BTG4: variants seen among roughly 807,000 people sequenced by gnomAD.
BTG4 encodes BTG anti-proliferation factor 4.
BTG4 carries 10 observed loss-of-function variants against 19.3 expected under a neutral mutation model. The ratio of observed to expected loss-of-function variants is 0.52; its 90% CI spans 0.32 to 0.88. The LOEUF (loss-of-function observed/expected upper bound fraction) is 0.88. Among genes scored for constraint, BTG4 ranks in the 40% least tolerant of loss-of-function variants. BTG4 has a pLI of 0.04. For synonymous variants in BTG4, 91 were observed against 95.7 expected (o/e 0.95, Z 0.29); for missense variants, 238 against 281.9 (o/e 0.84, Z 1.11).
chr11:111,435,364 C>T, the BTG4 span, among the ~76,000 whole-genome samples: 1 of 152,148 alleles, frequency 6.6e-6, no homozygotes. Context: ...CCACCGCCAC[C>T]ACCGCCACGG....
At chr11:111,433,314 T>C in the BTG4 span, among the ~76,000 whole-genome samples, 4 of 152,228 alleles carry the variant, frequency 2.6e-5, no homozygotes, top group Admixed American at 6.5e-5. Context: ...AAGGATTCCC[T>C]ATTTAATAAA....
chr11:111,415,592 C>T, the BTG4 span, among the ~76,000 whole-genome samples: 3 of 152,156 alleles, frequency 2.0e-5, no homozygotes, highest in African/African-American at 7.2e-5. Context: ...TATGGCCCCA[C>T]GTGACCTAAG....
the BTG4 span, chr11:111,418,294 A>T: frequency 6.6e-5 from 10 of 152,346 alleles, no homozygotes; most frequent in East Asian, 1.9e-3. Flanking sequence ...TTAGATGAGC[A>T]CTTATTATGT....
intron 5 of BTG4, among the ~76,000 whole-genome samples, chr11:111,472,563 C>T (rs1864135999): frequency 6.6e-6 from 1 of 152,166 alleles, no homozygotes; most frequent in African/African-American, 2.4e-5. Context: ...CCTGGTCTAC[C>T]CCTGACTCCC....
At chr11:111,514,390 T>C, upstream of BTG4, 1 of 260,770 alleles carries the variant, frequency 3.8e-6, no homozygotes. Flanking sequence ...TAGCAGGTGC[T>C]GTCCCTGGCA....
chr11:111,466,115 T>C (rs767415086), downstream of BTG4, among the ~76,000 whole-genome samples: 38 of 152,174 alleles, frequency 2.5e-4, no homozygotes, highest in Admixed American at 7.2e-4. Context: ...TTCTAGAAGA[T>C]AGTAGAAGGT....
the BTG4 span, among the ~76,000 whole-genome samples, chr11:111,410,575 G>A: frequency 1.3e-5 from 2 of 152,108 alleles, 1 homozygote; most frequent in South Asian, 4.2e-4. Flanking sequence ...GAGTACAAAA[G>A]ACCAAAAGTA....
chr11:111,509,286 A>G (rs1283398592), intron 1 of BTG4, among the ~76,000 whole-genome samples: 1 of 152,206 alleles, frequency 6.6e-6, no homozygotes, highest in Admixed American at 6.5e-5. Flanking sequence ...TTGCTTCAAC[A>G]TATAAACTAG....
chr11:111,431,297 C>G, the BTG4 span, among the ~76,000 whole-genome samples: 5 of 152,056 alleles, frequency 3.3e-5, no homozygotes, highest in African/African-American at 9.7e-5. Flanking sequence ...TTTTGGAGCC[C>G]TTGATGTGTC....
upstream of BTG4, chr11:111,513,167 G>C (rs1446188592): frequency 2.6e-6 from 1 of 378,604 alleles, no homozygotes; most frequent in Non-Finnish European, 5.5e-6. Context: ...GGAAACCCGC[G>C]GTTTCTCCAG....
At chr11:111,499,334 C>G (rs1018265749) in intron 1 of BTG4, among the ~76,000 whole-genome samples, 2 of 152,296 alleles carry the variant, frequency 1.3e-5, no homozygotes, top group East Asian at 3.9e-4. Flanking sequence ...CACACCTGTT[C>G]GTGAGTTCGA....
chr11:111,423,802 C>T, the BTG4 span, among the ~76,000 whole-genome samples: 2 of 152,174 alleles, frequency 1.3e-5, no homozygotes, highest in Non-Finnish European at 2.9e-5. Flanking sequence ...AACTCAGCTC[C>T]TTACACATAA....
the BTG4 span, among the ~76,000 whole-genome samples, chr11:111,394,543 T>C: frequency 1.3e-5 from 2 of 152,262 alleles, no homozygotes; most frequent in African/African-American, 4.8e-5. Context: ...CACATGGAAC[T>C]GTGAGTCCAT....
the BTG4 span, among the ~76,000 whole-genome samples, chr11:111,427,683 G>C: frequency 1.3e-5 from 2 of 152,096 alleles, no homozygotes; most frequent in African/African-American, 4.8e-5. Context: ...GGTCTCAGGG[G>C]AGTCTTTAGA....
chr11:111,401,457 GGGAGACA>G, the BTG4 span, among the ~76,000 whole-genome samples: 1 of 150,924 alleles, frequency 6.6e-6, no homozygotes, highest in Non-Finnish European at 1.5e-5. Flanking sequence ...ACTCCAGCCT[GGGAGACA>G]GAGCGAGACT....
the BTG4 span, chr11:111,456,686 T>C: frequency 2.6e-6 from 1 of 383,542 alleles, no homozygotes; most frequent in African/African-American, 2.1e-5. The surrounding 1 kb of genome is among the most constrained non-coding windows in gnomAD (Gnocchi z 4.2). Flanking sequence ...GCTGGACACC[T>C]GGGATATGAT....
At chr11:111,496,872 C>T (rs964418575) in intron 4 of BTG4, 9 of 279,770 alleles carry the variant, frequency 3.2e-5, no homozygotes, top group African/African-American at 1.5e-4. Flanking sequence ...CTATAAATGC[C>T]GTGGTATTTT....
upstream of BTG4, chr11:111,513,434 CTA>C (rs1281947313): frequency 3.7e-6 from 2 of 534,290 alleles, no homozygotes; most frequent in Admixed American, 1.9e-5. Flanking sequence ...GCAATTTTTT[CTA>C]TGAGTCTAGT....
chr11:111,494,925 T>G lies in BTG4; in HGVS notation c.*210A>C, dbSNP rs551995995. ...CCTTACTGGGTACATTCACTGATGTTACATAAAACTTCATGTAAAATTAAA... is the reference window on the plus strand; with the variant it reads ...CCTTACTGGGTACATTCACTGATGTGACATAAAACTTCATGTAAAATTAAA... On this transcript the variant is annotated 3_prime_UTR_variant, in exon 5 of 5. Transcript: ENST00000692032. The G allele has an allele frequency of 1.7e-3, 1,702 of 985,098 alleles. 3 individuals are homozygous for G. Among genetic ancestry groups the G allele is most frequent in the Non-Finnish European group, 2.0e-3 (1,631 of 829,642 alleles). 61.0% of individuals were successfully genotyped at this position (985,098 alleles called of 1,614,324 possible). A position where few individuals can be genotyped will look rare whatever the true frequency, so the allele number is the denominator to read the frequency against.
Sources: allele counts gnomAD v4.1 joint callset (sites outside exome capture counted in the v4.1 genomes callset), GRCh38; gene constraint gnomAD v4.1.1; non-coding constraint Gnocchi (gnomAD v3.1); transcripts MANE v1.5; gene names NCBI Gene and HGNC (gene_info 2026-07-23, HGNC 2026-07-21).